The following STRN variants were observed in gnomAD, a reference collection of about 807,000 sequenced individuals.
The protein encoded by STRN is striatin, also known as protein phosphatase 2 regulatory subunit B'''alpha.
Under a neutral mutation model 96.3 loss-of-function variants are expected in STRN, and 53 were observed. The observed-to-expected ratio is 0.55, with a 90% CI of 0.44 to 0.69. The LOEUF (loss-of-function observed/expected upper bound fraction) is 0.69. Among genes scored for constraint, STRN ranks in the 30% least tolerant of loss-of-function variants. The probability of loss-of-function intolerance (pLI) is 0.00; values close to 1 mark genes in which losing one functional copy is unlikely to be tolerated. For synonymous variants in STRN, 428 were observed against 355.9 expected (o/e 1.20, Z -2.28); for missense variants, 987 against 963.9 (o/e 1.02, Z -0.32).
intron 10 of STRN, among the ~76,000 whole-genome samples, chr2:36,874,717 TAAAAAAAA>T (rs35268065): frequency 1.2e-5 from 1 of 86,276 alleles, no homozygotes; most frequent in African/African-American, 4.8e-5. Context: ...TGTTTAGAGT[TAAAAAAAA>T]AAAAAAAAAA....
chr2:36,938,502 T>C (rs1670763247), intron 1 of STRN, among the ~76,000 whole-genome samples: 1 of 152,078 alleles, frequency 6.6e-6, no homozygotes, highest in South Asian at 2.1e-4. Flanking sequence ...GTAGTACTAG[T>C]ATAGCTCAAA....
In STRN at chr2:36,857,609, G is replaced by A. The variant is rs868366056; in HGVS notation, c.1837+247C>T. Among the ~76,000 whole-genome samples the A allele has an allele frequency of 5.9e-5, 9 of 152,088 alleles. No homozygotes were observed. The South Asian group carries it at 8.3e-4, about 14-fold the overall frequency. ...TGGGAGATGGAGGTTGCAGTGAGCC[G>A]AGATTGCGCCACTGCACTCCAGCCT... On this transcript the variant is annotated intron_variant, in intron 14 of 17. Transcript: ENST00000263918.
rs530512171 is a variant in STRN at position 36,839,024 on chromosome 2, A to G, written c.*10432T>C. On this transcript the variant is annotated 3_prime_UTR_variant, in exon 18 of 18. Coordinates refer to ENST00000263918, the MANE Select transcript of STRN (RefSeq NM_003162.4). Reference sequence around the variant, plus strand: ...TATTAGAAAAAGCAAGTGCAGCATAATATGTAGAATAAAACCCCATATGTA... The same window carrying G: ...TATTAGAAAAAGCAAGTGCAGCATAGTATGTAGAATAAAACCCCATATGTA... 1.2e-4 allele frequency among the ~76,000 whole-genome samples: 19 copies of G among 152,342 alleles called. No homozygotes were observed. The highest frequency in any genetic ancestry group is 4.6e-4 in the African/African-American group (19 of 41,574).
At chr2:36,958,966 A>C (rs1289645145) in intron 1 of STRN, among the ~76,000 whole-genome samples, 3 of 152,124 alleles carry the variant, frequency 2.0e-5, no homozygotes, top group African/African-American at 7.2e-5. Flanking sequence ...AATACAAAAA[A>C]TTAGCAGGGC....
At chr2:36,965,087 T>C (rs1428759507) in intron 1 of STRN, among the ~76,000 whole-genome samples, 1 of 151,984 alleles carries the variant, frequency 6.6e-6, no homozygotes, top group Non-Finnish European at 1.5e-5. Flanking sequence ...CAGCACATGA[T>C]TCTATTTAAC....
At chr2:36,886,623 G>C in intron 8 of STRN, 93 bp downstream of exon 8, 4 of 961,910 alleles carry the variant, frequency 4.2e-6, no homozygotes, top group Non-Finnish European at 6.3e-6. Flanking sequence ...AAATGAAAAA[G>C]AGTAAGTAGA....
chr2:36,863,916 C>T (rs1247278027), intron 12 of STRN, among the ~76,000 whole-genome samples: 1 of 152,104 alleles, frequency 6.6e-6, no homozygotes, highest in African/African-American at 2.4e-5. Flanking sequence ...TTTTTTGTGA[C>T]TACTGTAAAT....
intron 3 of STRN, among the ~76,000 whole-genome samples, 183 bp from the exon 4 acceptor site, chr2:36,905,801 T>G (rs774965154): frequency 2.0e-5 from 3 of 152,202 alleles, no homozygotes; most frequent in Non-Finnish European, 4.4e-5. Flanking sequence ...AAAACTCTAA[T>G]ATAAATTATT....
At chr2:36,904,081 T>G (rs1669756518) in intron 4 of STRN, among the ~76,000 whole-genome samples, 1 of 152,188 alleles carries the variant, frequency 6.6e-6, no homozygotes. Flanking sequence ...CTTGGATAGC[T>G]CATTATGAAA....
At chr2:36,874,717 TAAA>T (rs35268065) in intron 10 of STRN, among the ~76,000 whole-genome samples, 5 of 86,274 alleles carry the variant, frequency 5.8e-5, no homozygotes, top group Non-Finnish European at 1.1e-4. Flanking sequence ...TGTTTAGAGT[TAAA>T]AAAAAAAAAA....
chr2:36,953,663 A>G (rs1308553903), intron 1 of STRN, among the ~76,000 whole-genome samples: 1 of 152,186 alleles, frequency 6.6e-6, no homozygotes, highest in African/African-American at 2.4e-5. Context: ...CGGCCTCCCA[A>G]AGTGCTGGGA....
chr2:36,964,700 C>T (rs1190598809), intron 1 of STRN, among the ~76,000 whole-genome samples: 1 of 152,216 alleles, frequency 6.6e-6, no homozygotes, highest in Non-Finnish European at 1.5e-5. Context: ...ACCCTGACTA[C>T]CCCATCTAAA....
At chr2:36,887,834 CTA>C (rs1201976049) in intron 7 of STRN, among the ~76,000 whole-genome samples, 2 of 152,072 alleles carry the variant, frequency 1.3e-5, no homozygotes, top group African/African-American at 2.4e-5. Context: ...AATTTAAAAA[CTA>C]TGTTATGTAT....
At chr2:36,886,378 C>A (rs1669227236) in intron 8 of STRN, among the ~76,000 whole-genome samples, 1 of 151,888 alleles carries the variant, frequency 6.6e-6, no homozygotes, top group Non-Finnish European at 1.5e-5. Flanking sequence ...TATAAATTGT[C>A]AATGAAAAAG....
chr2:36,921,124 A>C (rs1428729627), intron 2 of STRN, among the ~76,000 whole-genome samples: 2 of 151,698 alleles, frequency 1.3e-5, no homozygotes, highest in African/African-American at 4.8e-5. Context: ...TCCCCACTTC[A>C]TCCTTCTCAG....
intron 9 of STRN, among the ~76,000 whole-genome samples, chr2:36,878,633 G>A (rs373681224): frequency 1.3e-5 from 2 of 152,184 alleles, no homozygotes; most frequent in Non-Finnish European, 1.5e-5. Context: ...GGGTGGTGAC[G>A]TGGGAGGGTA....
At position 36,846,419 on chromosome 2, in the gene STRN, A is replaced by G. The variant is rs1441393480; in HGVS notation, c.*3037T>C. Reference sequence around the variant, plus strand: ...TATATATATATATATATATATATATATATATATATAGTTTATATATTATAT... The same window carrying G: ...TATATATATATATATATATATATATGTATATATATAGTTTATATATTATAT... On this transcript the variant is annotated 3_prime_UTR_variant, in exon 18 of 18. Coordinates refer to ENST00000263918, the MANE Select transcript of STRN (RefSeq NM_003162.4). 9.9e-6 allele frequency: 1 copy of G among 100,738 alleles called. No homozygotes were observed. Among genetic ancestry groups the G allele is most frequent in the Non-Finnish European group, 2.2e-5 (1 of 44,600 alleles). 6.2% of individuals were successfully genotyped at this position (100,738 alleles called of 1,614,324 possible).
intron 3 of STRN, among the ~76,000 whole-genome samples, chr2:36,914,107 A>G (rs1438182931): frequency 6.6e-6 from 1 of 152,240 alleles, no homozygotes; most frequent in Admixed American, 6.5e-5. Flanking sequence ...CTTTCACCTC[A>G]GCCTCCCCAG....
At chr2:36,851,558 G>C (rs1056300383) in intron 15 of STRN, among the ~76,000 whole-genome samples, 2 of 152,196 alleles carry the variant, frequency 1.3e-5, no homozygotes, top group African/African-American at 4.8e-5. Flanking sequence ...CATTTATTCT[G>C]TGACTGTTTT....
Sources: gnomAD v4.1 joint callset for allele counts (sites outside exome capture counted in the v4.1 genomes callset) on GRCh38, gnomAD v4.1.1 for gene constraint, MANE v1.5 for transcripts, NCBI Gene and HGNC (gene_info 2026-07-23, HGNC 2026-07-21) for gene names.